Variants in SYT1 observed in about 807,000 individuals in gnomAD.
SYT1 encodes the protein synaptotagmin 1.
SYT1 carries 8 observed loss-of-function variants against 44.8 expected under a neutral mutation model. The observed-to-expected ratio is 0.18, with a 90% CI of 0.10 to 0.32. The LOEUF is 0.32. Ranked by LOEUF, SYT1 falls within the 10% of genes least tolerant of loss-of-function variation. SYT1 has a pLI of 1.00. For missense variants in SYT1, 286 were observed against 509.3 expected (o/e 0.56, Z 4.22); for synonymous variants, 154 against 188.8 (o/e 0.82, Z 1.51).
chr12:79,106,902 CAAATAT>C (rs1878748905), intron 3 of SYT1, among the ~76,000 whole-genome samples: 1 of 151,934 alleles, frequency 6.6e-6, no homozygotes, highest in African/African-American at 2.4e-5. Context: ...ACAAAATCAG[CAAATAT>C]AAATAAAAAT....
chr12:79,327,203 C>T (rs1881645086), intron 8 of SYT1, among the ~76,000 whole-genome samples: 1 of 151,894 alleles, frequency 6.6e-6, no homozygotes, highest in South Asian at 2.1e-4. Flanking sequence ...TTCAGAAGTA[C>T]TACACATGCA....
At chr12:79,103,420 A>G (rs1878543695) in intron 3 of SYT1, among the ~76,000 whole-genome samples, 1 of 152,076 alleles carries the variant, frequency 6.6e-6, no homozygotes, top group Non-Finnish European at 1.5e-5. Flanking sequence ...TTTTCATTTA[A>G]CATGTTAAAT....
rs770742918 is a variant in SYT1, at chr12:79,210,250, A to AT, written c.-17-7244dup. Among the ~76,000 whole-genome samples the AT allele has an allele frequency of 2.4e-3, 361 of 150,100 alleles. 2 individuals carry two copies. The highest frequency in any genetic ancestry group is 6.1e-3 in the African/African-American group (250 of 40,890). On this transcript the variant is annotated intron_variant, in intron 3 of 10. Coordinates refer to ENST00000261205, the MANE Select transcript of SYT1 (RefSeq NM_005639.3). ...AACTATAAACTTTTTTTCATATCTC[A>AT]TTTTTTTTTCATTTTTCGTAACTTA...
intron 9 of SYT1, among the ~76,000 whole-genome samples, chr12:79,369,652 C>G (rs1883701241): frequency 6.6e-6 from 1 of 152,148 alleles, no homozygotes. Flanking sequence ...GAGAAAGATA[C>G]TATTCTCAAG....
In SYT1 at chr12:79,005,172, G is replaced by A. The variant is rs567977338; in HGVS notation, c.-84+27241G>A. 1.6e-4 allele frequency among the ~76,000 whole-genome samples: 25 copies of A among 152,108 alleles called. No homozygotes were observed. The South Asian group carries it at 5.2e-3, about 32-fold the overall frequency. ...CAGCGGAGAACCTTATTTCAAGGGT[G>A]CATCCAACATGTGTTATAGGCCAGC... On this transcript the variant is annotated intron_variant, in intron 2 of 10. Transcript: ENST00000261205.
At chr12:79,188,045 A>C (rs1390256489) in intron 3 of SYT1, among the ~76,000 whole-genome samples, 1 of 152,146 alleles carries the variant, frequency 6.6e-6, no homozygotes, top group Non-Finnish European at 1.5e-5. Flanking sequence ...AGCACAGGTT[A>C]TTCCTTTTCC....
At chr12:79,268,285 T>A (rs1377362758) in intron 4 of SYT1, among the ~76,000 whole-genome samples, 2 of 152,188 alleles carry the variant, frequency 1.3e-5, no homozygotes, top group African/African-American at 4.8e-5. Context: ...TAAGGATTTT[T>A]AAAAAATCAT....
intron 9 of SYT1, among the ~76,000 whole-genome samples, chr12:79,357,160 T>C (rs1037537189): frequency 1.3e-5 from 2 of 152,256 alleles, no homozygotes; most frequent in African/African-American, 2.4e-5. Context: ...TCATTCAAAA[T>C]GCATTGCACA....
intron 3 of SYT1, among the ~76,000 whole-genome samples, chr12:79,197,342 A>G (rs1391380264): frequency 6.6e-6 from 1 of 152,164 alleles, no homozygotes; most frequent in Non-Finnish European, 1.5e-5. Flanking sequence ...TTCTAGATTT[A>G]GAGCTTTTGT....
At chr12:79,111,023 TG>T (rs74945389) in intron 3 of SYT1, among the ~76,000 whole-genome samples, 5,165 of 152,200 alleles carry the variant, frequency 0.034, 174 homozygotes, top group South Asian at 0.11. Context: ...ACCTACACTC[TG>T]GGTAACATTT....
intron 3 of SYT1, among the ~76,000 whole-genome samples, chr12:79,075,835 C>T (rs1459056488): frequency 6.6e-6 from 1 of 151,868 alleles, no homozygotes; most frequent in Non-Finnish European, 1.5e-5. Flanking sequence ...TTTTTGAAAA[C>T]CCCAAGAAAA....
At position 79,136,250 on chromosome 12, in the gene SYT1, G is replaced by A. The variant is rs141238960; in HGVS notation, c.-17-81253G>A. 1.7e-3 allele frequency among the ~76,000 whole-genome samples: 266 copies of A among 152,212 alleles called. 2 individuals carry two copies. Among genetic ancestry groups the A allele is most frequent in the African/African-American group, 6.0e-3 (250 of 41,510 alleles). On this transcript the variant is annotated intron_variant, in intron 3 of 10. Coordinates refer to ENST00000261205, the MANE Select transcript of SYT1 (RefSeq NM_005639.3). ...ATTAACAGTCTGGCACCTGGTAACT[G>A]CATAAGCTTAGTTAAATCTCACAGT...
intron 9 of SYT1, among the ~76,000 whole-genome samples, chr12:79,441,733 G>A (rs1434783665): frequency 6.6e-6 from 1 of 152,118 alleles, no homozygotes; most frequent in Admixed American, 6.6e-5. Flanking sequence ...TTAACGCTTT[G>A]ACCTCACCGT....
intron 4 of SYT1, among the ~76,000 whole-genome samples, chr12:79,277,690 T>C (rs1370584117): frequency 2.0e-5 from 3 of 152,094 alleles, no homozygotes; most frequent in Non-Finnish European, 4.4e-5. Flanking sequence ...ATGTAAATGT[T>C]CTAAATTCTC....
intron 1 of SYT1, among the ~76,000 whole-genome samples, chr12:78,905,920 T>G (rs1216319036): frequency 6.6e-6 from 1 of 152,078 alleles, no homozygotes; most frequent in Admixed American, 6.6e-5. Context: ...CCAAAGGGCT[T>G]CTCATATTTC....
intron 4 of SYT1, among the ~76,000 whole-genome samples, chr12:79,243,141 A>G (rs914060474): frequency 5.9e-5 from 9 of 152,134 alleles, no homozygotes; most frequent in African/African-American, 2.2e-4. Context: ...CCATGATTCA[A>G]TTACCTCCCA....
intron 4 of SYT1, among the ~76,000 whole-genome samples, chr12:79,221,616 C>T (rs1875166374): frequency 6.6e-6 from 1 of 152,050 alleles, no homozygotes; most frequent in Non-Finnish European, 1.5e-5. Flanking sequence ...CAAAAAACAT[C>T]TATAGTTATA....
intron 1 of SYT1, among the ~76,000 whole-genome samples, chr12:78,966,329 T>C (rs1879772829): frequency 6.6e-6 from 1 of 152,120 alleles, no homozygotes; most frequent in African/African-American, 2.4e-5. Context: ...TATCATCCCA[T>C]CTTATCCTCT....
intron 3 of SYT1, among the ~76,000 whole-genome samples, chr12:79,139,861 C>T (rs1417167023): frequency 2.0e-5 from 3 of 152,170 alleles, no homozygotes; most frequent in Admixed American, 1.3e-4. Context: ...TGTTTCTAGT[C>T]CTCCATTACC....
Sources: gnomAD v4.1 joint callset for allele counts (sites outside exome capture counted in the v4.1 genomes callset) on GRCh38, gnomAD v4.1.1 for gene constraint, MANE v1.5 for transcripts, NCBI Gene and HGNC (gene_info 2026-07-23, HGNC 2026-07-21) for gene names.